LOXL2: variants seen among roughly 807,000 people sequenced by gnomAD.
LOXL2 encodes lysyl oxidase homolog 2.
A neutral mutation model predicts 93.0 loss-of-function variants in LOXL2; 70 were observed. That is an observed-to-expected ratio of 0.75 (90% CI 0.62 to 0.92). The LOEUF (loss-of-function observed/expected upper bound fraction) is 0.92. Among genes scored for constraint, LOXL2 ranks in the 40% least tolerant of loss-of-function variants. The pLI, the probability that LOXL2 is intolerant of heterozygous loss-of-function variation, is 0.00. For missense variants in LOXL2, 973 were observed against 1,054.9 expected, an observed-to-expected ratio of 0.92 and a Z score of 1.08; for synonymous variants, 438 against 413.2, an observed-to-expected ratio of 1.06 and a Z score of -0.73.
intron 6 of LOXL2, 110 bp downstream of exon 6, chr8:23,328,272 G>T: frequency 8.4e-7 from 1 of 1,186,980 alleles, no homozygotes; most frequent in Non-Finnish European, 1.2e-6. Context: ...GCCACTAAAG[G>T]GAGGAGGGAA....
intron 7 of LOXL2, among the ~76,000 whole-genome samples, chr8:23,320,863 A>T (rs896867084): frequency 1.3e-5 from 2 of 151,954 alleles, no homozygotes; most frequent in African/African-American, 4.8e-5. Context: ...GGCTATGATC[A>T]TACCACTGCA....
At chr8:23,354,022 G>A (rs540840184) in intron 3 of LOXL2, among the ~76,000 whole-genome samples, 1 of 152,182 alleles carries the variant, frequency 6.6e-6, no homozygotes, top group Non-Finnish European at 1.5e-5. Flanking sequence ...GCTCCAAGCA[G>A]CTGTAGGAGT....
Position 23,342,593 on chromosome 8 carries a change from G to A in LOXL2, c.532-1390C>T, listed in dbSNP as rs926785757. Among the ~76,000 whole-genome samples the A allele has an allele frequency of 6.6e-5, 10 of 151,934 alleles. No individual in the cohort carries two copies. In the South Asian group the frequency reaches 1.5e-3, roughly 22 times the overall value. ...ACTACAGGCGCACGCCACCACACCCGGCCAATTGTTTGTATTTTTAGTAGA... is the reference window on the plus strand; with the variant it reads ...ACTACAGGCGCACGCCACCACACCCAGCCAATTGTTTGTATTTTTAGTAGA... On this transcript the variant is annotated intron_variant, in intron 3 of 13. Coordinates refer to ENST00000389131, the MANE Select transcript of LOXL2 (RefSeq NM_002318.3).
chr8:23,383,785 C>G (rs551532694), intron 1 of LOXL2, among the ~76,000 whole-genome samples: 11 of 151,204 alleles, frequency 7.3e-5, no homozygotes, highest in Middle Eastern at 3.4e-3. Flanking sequence ...CTCAGCCTCC[C>G]GAGTAGCTGG....
chr8:23,340,980 C>T lies in LOXL2; in HGVS notation c.743+12G>A, dbSNP rs1391667144. On this transcript the variant is annotated intron_variant, in intron 4 of 13. Coordinates refer to ENST00000389131, the MANE Select transcript of LOXL2 (RefSeq NM_002318.3). ...TACCCTCAAAGCCACCCCTTTGGTGCAGTCCTCTTACTTGTACACTTTGGT... is the reference window on the plus strand; with the variant it reads ...TACCCTCAAAGCCACCCCTTTGGTGTAGTCCTCTTACTTGTACACTTTGGT... The T allele has an allele frequency of 6.2e-7, 1 of 1,610,144 alleles. No homozygotes were observed. Among genetic ancestry groups the T allele is most frequent in the Non-Finnish European group, 8.5e-7 (1 of 1,176,452 alleles).
chr8:23,326,883 G>A (rs1161496805), intron 6 of LOXL2, among the ~76,000 whole-genome samples: 1 of 152,204 alleles, frequency 6.6e-6, no homozygotes, highest in Non-Finnish European at 1.5e-5. Context: ...GTGCACACCT[G>A]GAAGCTTGCA....
intron 6 of LOXL2, among the ~76,000 whole-genome samples, chr8:23,326,087 T>C (rs1468290549): frequency 6.6e-6 from 1 of 152,250 alleles, no homozygotes; most frequent in Non-Finnish European, 1.5e-5. Context: ...GTCCATCAGC[T>C]AGAGCCAGGG....
intron 1 of LOXL2, among the ~76,000 whole-genome samples, chr8:23,378,879 G>C (rs1227735833): frequency 6.6e-6 from 1 of 152,172 alleles, no homozygotes; most frequent in Admixed American, 6.5e-5. Flanking sequence ...TGTTGGGTTT[G>C]AAATTCCTCC....
chr8:23,339,527 C>T (rs750693903), intron 4 of LOXL2, among the ~76,000 whole-genome samples: 4 of 152,214 alleles, frequency 2.6e-5, no homozygotes, highest in Admixed American at 6.5e-5. Flanking sequence ...GGACTGGCCA[C>T]GGTTGGGAGA....
At chr8:23,304,904 G>A (rs746186589) in intron 10 of LOXL2, among the ~76,000 whole-genome samples, 2 of 152,188 alleles carry the variant, frequency 1.3e-5, no homozygotes, top group Non-Finnish European at 2.9e-5. Context: ...TAGGTTTCCT[G>A]CGAGGAAATT....
At chr8:23,378,417 C>G (rs944792627) in intron 1 of LOXL2, among the ~76,000 whole-genome samples, 3 of 152,080 alleles carry the variant, frequency 2.0e-5, no homozygotes, top group South Asian at 4.1e-4. Context: ...AATTATGTGT[C>G]TTGGAGTTGC....
intron 3 of LOXL2, among the ~76,000 whole-genome samples, chr8:23,347,790 G>A (rs1804018847): frequency 6.6e-6 from 1 of 152,054 alleles, no homozygotes; most frequent in Admixed American, 6.6e-5. Context: ...GCAACAGAAT[G>A]AGACCTCATT....
At chr8:23,371,627 C>G (rs1414556646) in intron 1 of LOXL2, among the ~76,000 whole-genome samples, 2 of 151,526 alleles carry the variant, frequency 1.3e-5, no homozygotes, top group Non-Finnish European at 2.9e-5. Context: ...TGGCGGGCAC[C>G]TGTAGTCCCA....
chr8:23,332,832 ACACT>A (rs1342513312), intron 5 of LOXL2, among the ~76,000 whole-genome samples: 3 of 94,964 alleles, frequency 3.2e-5, no homozygotes, highest in African/African-American at 4.2e-5. Flanking sequence ...ACACACCCAC[ACACT>A]CACCCCCGCA....
intron 1 of LOXL2, among the ~76,000 whole-genome samples, chr8:23,388,810 A>AG (rs953752381): frequency 6.7e-6 from 1 of 148,720 alleles, no homozygotes; most frequent in Admixed American, 6.9e-5. Context: ...GCTTTTAAGG[A>AG]GGGTAGGGGA....
intron 10 of LOXL2, among the ~76,000 whole-genome samples, chr8:23,307,948 G>A (rs768171864): frequency 7.1e-3 from 19 of 2,690 alleles, no homozygotes; most frequent in South Asian, 0.071. Context: ...CATCAGCTGC[G>A]ATATGAAAAA....
At chr8:23,298,769 C>T (rs1803079200) in intron 13 of LOXL2, 67 bp downstream of exon 13, 1 of 974,694 alleles carries the variant, frequency 1.0e-6, no homozygotes, top group African/African-American at 1.6e-5. Context: ...AGGAAGCTGC[C>T]TCTGGGTCCT....
In LOXL2 at chr8:23,303,266, C is replaced by A. The variant is rs371807544; in HGVS notation, c.1996+16G>T. On this transcript the variant is annotated intron_variant, in intron 11 of 13. Coordinates refer to ENST00000389131, the MANE Select transcript of LOXL2 (RefSeq NM_002318.3). ...GTCCCTCTGAGGCCTCCCATCCCCCCACTCCGCTCAGATACCTCCTTCACA... is the reference window on the plus strand; with the variant it reads ...GTCCCTCTGAGGCCTCCCATCCCCCAACTCCGCTCAGATACCTCCTTCACA... 3.3e-5 allele frequency: 51 copies of A among 1,540,298 alleles called. No homozygotes were observed. The Middle Eastern group carries it at 6.7e-4, about 20-fold the overall frequency.
chr8:23,388,620 TACTC>T lies in LOXL2; in HGVS notation c.-84+15330_-84+15333del, dbSNP rs1373493141. Among the ~76,000 whole-genome samples, 89 of 70,680 alleles carry T rather than the reference TACTC, an allele frequency of 1.3e-3. 1 individual carries two copies. The highest frequency in any genetic ancestry group is 6.7e-3 in the Middle Eastern group (1 of 150). 46.4% of individuals were successfully genotyped at this position (70,680 alleles called of 152,430 possible). A position where few individuals can be genotyped will look rare whatever the true frequency, so the allele number is the denominator to read the frequency against. On this transcript the variant is annotated intron_variant, in intron 1 of 13. Coordinates refer to ENST00000389131, the MANE Select transcript of LOXL2 (RefSeq NM_002318.3). ...AAACAAAAACAAAAAGCAAAAAATA[TACTC>T]ACACACACACACACACACACACACA... is the stretch of plus-strand genomic sequence containing the variant.
Sources: gnomAD v4.1 joint callset for allele counts (sites outside exome capture counted in the v4.1 genomes callset) on GRCh38, gnomAD v4.1.1 for gene constraint, MANE v1.5 for transcripts, NCBI Gene and HGNC (gene_info 2026-07-23, HGNC 2026-07-21) for gene names.